MARF1: variants seen among roughly 807,000 people sequenced by gnomAD.
MARF1 encodes the protein limkain-b1.
In MARF1, 24 loss-of-function variants were observed where a neutral mutation model predicts 168.2. The ratio of observed to expected loss-of-function variants is 0.14; its 90% CI spans 0.10 to 0.20. The LOEUF (loss-of-function observed/expected upper bound fraction) is 0.20, where lower values mean the gene tolerates loss of function less well. MARF1 is among the 10% of genes least tolerant of loss of function. The pLI, the probability that MARF1 is intolerant of heterozygous loss-of-function variation, is 1.00. For synonymous variants in MARF1, 868 were observed against 822.4 expected, an observed-to-expected ratio of 1.06 and a Z score of -0.95; for missense variants, 1,744 against 2,143.6, an observed-to-expected ratio of 0.81 and a Z score of 3.68.
chr16:15,621,748 G>A lies in MARF1; in HGVS notation c.2624C>T (p.Ser875Leu). 2.5e-6 allele frequency: 4 copies of A among 1,614,136 alleles called. No homozygotes were observed. Among genetic ancestry groups the A allele is most frequent in the Non-Finnish European group, 3.4e-6 (4 of 1,180,014 alleles). ...TGTTTCTTACCTCAGTAAAGAGAGT[G>A]ATTTGCTGGCAGCCCCGGTGGCAAG... Reference protein sequence around the residue: ...VSLATGAASKSLSLLSAETMS... With the variant: ...VSLATGAASKLLSLLSAETMS... The change falls in exon 12 of 27, where the codon TCA becomes TTA. Residue 875 changes from serine (S) to leucine (L), a missense_variant. Physicochemically the swap from Ser to Leu is moderately radical, Grantham distance 145 (BLOSUM62 -2). Around this residue, in one of 7 missense-constraint regions of MARF1, gnomAD observed 543 missense variants for 742.1 expected, o/e 0.73. Coordinates refer to ENST00000396368, the MANE Select transcript of MARF1 (RefSeq NM_014647.4).
chr16:15,624,861 A>G lies in MARF1; in HGVS notation c.2178T>C (p.Thr726=), dbSNP rs764157831. 2.8e-5 allele frequency: 46 copies of G among 1,614,046 alleles called. No homozygotes were observed. Among genetic ancestry groups the G allele is most frequent in the Non-Finnish European group, 3.9e-5 (46 of 1,180,018 alleles). The change falls in exon 10 of 27, where the codon ACT becomes ACC. Residue 726 remains threonine, a synonymous_variant. Transcript: ENST00000396368. ...CAGACGGGTAACTCACTTGGAATAC[A>G]GTCTCCTCTTTATCTTTTTTCTCTA... ...SPVEKKDKEE[T]VFQVSYPSAF...
intron 25 of MARF1, among the ~76,000 whole-genome samples, chr16:15,599,861 G>A (rs982420553): frequency 6.6e-6 from 1 of 152,312 alleles, no homozygotes; most frequent in Non-Finnish European, 1.5e-5. Context: ...TCCGGATCAG[G>A]CCTGACCTTG....
chr16:15,603,096 T>G (rs984391527), intron 22 of MARF1, among the ~76,000 whole-genome samples: 13 of 152,202 alleles, frequency 8.5e-5, no homozygotes, highest in Admixed American at 7.2e-4. Context: ...CCAGAACTGG[T>G]GTTCTTAGGA....
At position 15,617,471 on chromosome 16, in the gene MARF1, G is replaced by A. The variant is rs745422647; in HGVS notation, c.2785C>T (p.Gln929Ter). The A allele has an allele frequency of 6.2e-7, 1 of 1,613,938 alleles. No individual in the cohort carries two copies. Among genetic ancestry groups the A allele is most frequent in the Non-Finnish European group, 8.5e-7 (1 of 1,180,046 alleles). The change falls in exon 14 of 27, where the codon CAA (glutamine) becomes TAA (stop). Residue 929 changes from glutamine to a stop codon, truncating the protein, a stop_gained. Coordinates refer to ENST00000396368, the MANE Select transcript of MARF1 (RefSeq NM_014647.4). LOFTEE classifies it high-confidence loss of function. ...AGACACACCAGCCGTCCGTTTCCTT[G>A]TTCACGGATTGCGACCGTGTCTGTT... ...KLTDTVAIREQGNGRLVCLLP... is the reference protein window; with the variant it reads ...KLTDTVAIRE
chr16:15,605,760 G>T (rs1447054466), intron 21 of MARF1: 1 of 152,192 alleles, frequency 6.6e-6, no homozygotes, highest in Admixed American at 6.5e-5. Flanking sequence ...AGGAGACCCA[G>T]TGGGCAGCCA....
intron 11 of MARF1, among the ~76,000 whole-genome samples, chr16:15,622,414 T>TG (rs1258919546): frequency 2.0e-5 from 3 of 151,704 alleles, no homozygotes; most frequent in African/African-American, 4.8e-5. Flanking sequence ...CTTTCTGAGA[T>TG]GGAGTCTCAC....
chr16:15,627,347 C>T (rs920304528), intron 7 of MARF1, among the ~76,000 whole-genome samples: 3 of 149,466 alleles, frequency 2.0e-5, no homozygotes, highest in Non-Finnish European at 3.0e-5. Flanking sequence ...AGGCTGGGCA[C>T]GGTGGCTCAC....
intron 23 of MARF1, chr16:15,601,591 T>G: frequency 3.4e-6 from 1 of 291,082 alleles, no homozygotes; most frequent in African/African-American, 2.1e-5. Flanking sequence ...CTCCCCTCCT[T>G]GTCACGTGCT....
intron 10 of MARF1, among the ~76,000 whole-genome samples, chr16:15,623,436 C>T (rs938117580): frequency 3.3e-5 from 5 of 151,930 alleles, no homozygotes; most frequent in African/African-American, 4.8e-5. Flanking sequence ...TGCACCACTA[C>T]ACCCAGCTAA....
intron 8 of MARF1, 23 bp from the exon 9 acceptor site, chr16:15,625,196 G>T: frequency 6.2e-7 from 1 of 1,607,742 alleles, no homozygotes; most frequent in Non-Finnish European, 8.5e-7. Context: ...AAGCACAGTG[G>T]GGTTTAAATT....
chr16:15,608,800 A>G (rs2033254926), intron 20 of MARF1: 1 of 437,728 alleles, frequency 2.3e-6, no homozygotes, highest in Admixed American at 3.9e-5. Context: ...GCACTTCAGT[A>G]GTAAAAAAAG....
chr16:15,636,264 A>T lies in MARF1; in HGVS notation c.223T>A (p.Phe75Ile). The change falls in exon 3 of 27, where the codon TTT (phenylalanine) becomes ATT (isoleucine). Residue 75 changes from phenylalanine to isoleucine, a missense_variant. Around this residue, in one of 7 missense-constraint regions of MARF1, gnomAD observed 318 missense variants for 336.6 expected, o/e 0.94. Coordinates refer to ENST00000396368, the MANE Select transcript of MARF1 (RefSeq NM_014647.4). ...PSPLHAGSKL[F>I]PAVPLPDIRS... ...ATATCAGGAAGTGGGACTGCTGGAA[A>T]AAGCTTAGAGCCAGCATGAAGGGGT... 1 of 1,613,870 alleles carries T rather than the reference A, an allele frequency of 6.2e-7. No individual in the cohort carries two copies. The highest frequency in any genetic ancestry group is 8.5e-7 in the Non-Finnish European group (1 of 1,179,822).
At chr16:15,631,360 A>G in intron 6 of MARF1, 21 bp downstream of exon 6, 1 of 1,503,702 alleles carries the variant, frequency 6.7e-7, no homozygotes, top group South Asian at 1.1e-5. Context: ...AGCTGAAATT[A>G]GCAGATGTTT....
In MARF1 at chr16:15,643,032, C is replaced by G. The variant is rs1331615652; in HGVS notation, c.-73G>C. 3.5e-6 allele frequency: 1 copy of G among 286,716 alleles called. No individual in the cohort carries two copies. Among genetic ancestry groups the G allele is most frequent in the South Asian group, 2.7e-5 (1 of 36,820 alleles). 17.8% of individuals were successfully genotyped at this position (286,716 alleles called of 1,614,324 possible). On this transcript the variant is annotated 5_prime_UTR_variant, in exon 1 of 27. Coordinates refer to ENST00000396368, the MANE Select transcript of MARF1 (RefSeq NM_014647.4). Reference sequence around the variant, plus strand: ...TGCAAACTCACCTCTGCCGCCGGCTCCACCTCCGCTCACATTCCGGCCCCG... The same window carrying G: ...TGCAAACTCACCTCTGCCGCCGGCTGCACCTCCGCTCACATTCCGGCCCCG...
At position 15,604,328 on chromosome 16, in the gene MARF1, T is replaced by C. The variant is rs752268378; in HGVS notation, c.4253A>G (p.Gln1418Arg). ...CCAAGACATCAACAATACCAGCAAC[T>C]GGGCAGTGAGAGATCGCAGAGACTT... ...NRKSLRSLTAQLLVLLMSWEG... is the reference protein window; with the variant it reads ...NRKSLRSLTARLLVLLMSWEG... The change falls in exon 22 of 27, where the codon CAG becomes CGG. Residue 1418 changes from glutamine (Q) to arginine (R), a missense_variant. Around this residue, in one of 7 missense-constraint regions of MARF1, gnomAD observed 74 missense variants for 66.7 expected, o/e 1.11. Coordinates refer to ENST00000396368, the MANE Select transcript of MARF1 (RefSeq NM_014647.4). 6.2e-7 allele frequency: 1 copy of C among 1,614,156 alleles called. No individual in the cohort carries two copies. Among genetic ancestry groups the C allele is most frequent in the Non-Finnish European group, 8.5e-7 (1 of 1,180,034 alleles).
intron 7 of MARF1, among the ~76,000 whole-genome samples, chr16:15,627,035 G>C (rs184278118): frequency 6.6e-6 from 1 of 151,392 alleles, no homozygotes; most frequent in South Asian, 2.1e-4. Context: ...GAGAGAGAGA[G>C]AGAAAGAACG....
chr16:15,627,142 A>C (rs2034921288), intron 7 of MARF1, among the ~76,000 whole-genome samples: 1 of 148,666 alleles, frequency 6.7e-6, no homozygotes, highest in African/African-American at 2.5e-5. Flanking sequence ...ACTTGAGCCC[A>C]GGAGTTCAAA....
intron 12 of MARF1, 127 bp downstream of exon 12, chr16:15,621,606 T>G: frequency 1.1e-6 from 1 of 886,164 alleles, no homozygotes; most frequent in Non-Finnish European, 1.7e-6. Flanking sequence ...CAATCTAGAA[T>G]AAGCATTATT....
In MARF1 at chr16:15,611,026, T is replaced by C. The variant is rs1340094906; in HGVS notation, c.3700A>G (p.Ile1234Val). Residue 1234 changes from isoleucine (I) to valine (V), a missense_variant, in exon 19 of 27, where the codon ATC (isoleucine) becomes GTC (valine). Transcript: ENST00000396368. ...TCATTATCTTGTTGGGACAAGCAGA[T>C]GGTTGTGTCTGGAATCTCTGATACG... ...DIVSEIPDTT[I>V]CLSQQDNEMV... The C allele has an allele frequency of 2.5e-6, 4 of 1,613,954 alleles. No homozygotes were observed. The South Asian group carries it at 4.4e-5, about 18-fold the overall frequency.
Sources: allele counts gnomAD v4.1 joint callset (sites outside exome capture counted in the v4.1 genomes callset), GRCh38; gene constraint gnomAD v4.1.1; regional missense constraint gnomAD v4.1.1; transcripts MANE v1.5; gene names NCBI Gene and HGNC (gene_info 2026-07-23, HGNC 2026-07-21).